CNTNAP2: variants seen among roughly 807,000 people sequenced by gnomAD.
CNTNAP2 encodes the protein contactin-associated protein-like 2.
In CNTNAP2, 98 loss-of-function variants were observed where a neutral mutation model predicts 155.2. The ratio of observed to expected loss-of-function variants is 0.63; its 90% CI spans 0.54 to 0.75. The LOEUF (loss-of-function observed/expected upper bound fraction) is 0.75. CNTNAP2 is among the 30% of genes least tolerant of loss of function. The probability of loss-of-function intolerance (pLI) is 0.00; values close to 1 mark genes in which losing one functional copy is unlikely to be tolerated. For synonymous variants in CNTNAP2, 651 were observed against 631.2 expected (o/e 1.03, Z -0.47); for missense variants, 1,727 against 1,688.1 (o/e 1.02, Z -0.40).
At chr7:146,961,484 A>G (rs1797557740) in intron 3 of CNTNAP2, among the ~76,000 whole-genome samples, 1 of 152,088 alleles carries the variant, frequency 6.6e-6, no homozygotes, top group Non-Finnish European at 1.5e-5. Context: ...TGTCATTGGA[A>G]CTTTTCCATT....
intron 10 of CNTNAP2, among the ~76,000 whole-genome samples, chr7:147,466,290 T>C (rs1218032687): frequency 2.0e-5 from 3 of 152,212 alleles, no homozygotes; most frequent in South Asian, 2.1e-4. Flanking sequence ...AAGGACCCTC[T>C]CTGGAATGGA....
intron 2 of CNTNAP2, among the ~76,000 whole-genome samples, chr7:146,793,818 T>C (rs553051174): frequency 9.7e-4 from 147 of 152,286 alleles, no homozygotes; most frequent in African/African-American, 3.4e-3. Context: ...TTAGAGTTAA[T>C]GAAGAGTAGG....
chr7:147,798,309 T>C (rs1336612813), intron 13 of CNTNAP2, among the ~76,000 whole-genome samples: 1 of 152,070 alleles, frequency 6.6e-6, no homozygotes, highest in African/African-American at 2.4e-5. Flanking sequence ...AGAAATTAAA[T>C]ACAGTACCAG....
intron 18 of CNTNAP2, among the ~76,000 whole-genome samples, chr7:148,179,174 C>G (rs1043119311): frequency 6.6e-6 from 1 of 152,134 alleles, no homozygotes; most frequent in Non-Finnish European, 1.5e-5. Flanking sequence ...ACCTTAGTAA[C>G]TCCTGCATCC....
chr7:146,707,055 T>G (rs1224442549), intron 1 of CNTNAP2, among the ~76,000 whole-genome samples: 1 of 152,142 alleles, frequency 6.6e-6, no homozygotes, highest in Non-Finnish European at 1.5e-5. Flanking sequence ...TCGTAAAATC[T>G]GCAATTCGAA....
chr7:148,101,637 ATCTTAATTT>A (rs1411827494), intron 15 of CNTNAP2, among the ~76,000 whole-genome samples: 17 of 152,094 alleles, frequency 1.1e-4, no homozygotes, highest in Admixed American at 5.2e-4. Context: ...GCATCTTCCA[ATCTTAATTT>A]TAGAGCCCTT....
chr7:146,499,832 C>T (rs1024862746), intron 1 of CNTNAP2, among the ~76,000 whole-genome samples: 2 of 152,148 alleles, frequency 1.3e-5, no homozygotes. Context: ...CACTGTAACT[C>T]TTACAATCCA....
intron 1 of CNTNAP2, among the ~76,000 whole-genome samples, chr7:146,139,376 TCC>T (rs1356728832): frequency 6.6e-6 from 1 of 152,170 alleles, no homozygotes; most frequent in African/African-American, 2.4e-5. Flanking sequence ...AGCTGTTTTT[TCC>T]CACCACAAAA....
At chr7:146,528,455 A>AT (rs1230115120) in intron 1 of CNTNAP2, among the ~76,000 whole-genome samples, 1 of 152,232 alleles carries the variant, frequency 6.6e-6, no homozygotes, top group Non-Finnish European at 1.5e-5. Context: ...TACAATTGAG[A>AT]TTTATAGGCT....
rs80114187 is a variant in CNTNAP2 at position 146,693,120 on chromosome 7, A to T, written c.98-81151A>T. The stretch of plus-strand genomic sequence containing the variant: ...TTGTTAGCTATAAAATGGAGACGAT[A>T]CCTACTTCAAAAGATCCAAGAGAGA... On this transcript the variant is annotated intron_variant, in intron 1 of 23. Coordinates refer to ENST00000361727, the MANE Select transcript of CNTNAP2 (RefSeq NM_014141.6). Among the ~76,000 whole-genome samples the T allele has an allele frequency of 4.2e-3, 643 of 152,258 alleles. 1 individual carries two copies. Among genetic ancestry groups the T allele is most frequent in the African/African-American group, 0.015 (611 of 41,560 alleles).
chr7:147,161,427 G>A (rs1160230429), intron 8 of CNTNAP2, among the ~76,000 whole-genome samples: 1 of 152,084 alleles, frequency 6.6e-6, no homozygotes, highest in Non-Finnish European at 1.5e-5. Context: ...TAAGGAATAT[G>A]TATCTGTTTA....
chr7:147,184,181 A>G (rs1802519915), intron 8 of CNTNAP2, among the ~76,000 whole-genome samples: 1 of 152,144 alleles, frequency 6.6e-6, no homozygotes, highest in Admixed American at 6.5e-5. Flanking sequence ...TGAAATACAA[A>G]TGTGGGCTGT....
At chr7:147,124,876 C>CTTTTTTTTTTTTTTTT (rs371912854) in intron 6 of CNTNAP2, among the ~76,000 whole-genome samples, 1 of 80,070 alleles carries the variant, frequency 1.2e-5, no homozygotes, top group Non-Finnish European at 2.1e-5. Flanking sequence ...CCTTTTTTTC[C>CTTTTTTTTTTTTTTTT]TTTTTTTTTT....
At chr7:146,199,485 A>G (rs1032083965) in intron 1 of CNTNAP2, among the ~76,000 whole-genome samples, 1 of 152,270 alleles carries the variant, frequency 6.6e-6, no homozygotes, top group Middle Eastern at 3.4e-3. Flanking sequence ...GGGAGTACCT[A>G]CTATAACATA....
intron 15 of CNTNAP2, among the ~76,000 whole-genome samples, chr7:148,094,104 G>A (rs1585121922): frequency 6.6e-6 from 1 of 152,216 alleles, no homozygotes; most frequent in Non-Finnish European, 1.5e-5. Flanking sequence ...GAGAAAGGGA[G>A]TAAGAGTACA....
At chr7:147,875,182 T>C (rs1249536185) in intron 13 of CNTNAP2, among the ~76,000 whole-genome samples, 2 of 152,218 alleles carry the variant, frequency 1.3e-5, no homozygotes, top group Non-Finnish European at 2.9e-5. Flanking sequence ...GGTACCAATT[T>C]ACTGTATTTG....
At chr7:147,293,122 C>T (rs746174858) in intron 8 of CNTNAP2, among the ~76,000 whole-genome samples, 1 of 152,116 alleles carries the variant, frequency 6.6e-6, no homozygotes, top group African/African-American at 2.4e-5. Context: ...ATACGATCTC[C>T]CCAATGTATT....
At chr7:148,265,589 T>A (rs1796653821) in intron 20 of CNTNAP2, among the ~76,000 whole-genome samples, 1 of 152,218 alleles carries the variant, frequency 6.6e-6, no homozygotes, top group South Asian at 2.1e-4. Flanking sequence ...TTGTTAATGA[T>A]GCATTTGACG....
chr7:147,481,835 ATG>A (rs1798427867), intron 10 of CNTNAP2, among the ~76,000 whole-genome samples: 1 of 152,302 alleles, frequency 6.6e-6, no homozygotes, highest in Admixed American at 6.5e-5. Flanking sequence ...TTCATTTTTG[ATG>A]TGAACCAAAC....
Sources: allele counts gnomAD v4.1 joint callset (sites outside exome capture counted in the v4.1 genomes callset), GRCh38; gene constraint gnomAD v4.1.1; transcripts MANE v1.5; gene names NCBI Gene and HGNC (gene_info 2026-07-23, HGNC 2026-07-21).